The following GALNS variants were observed in gnomAD, a reference collection of about 807,000 sequenced individuals.
GALNS encodes the protein galactosamine (N-acetyl)-6-sulfatase, also known as N-acetylgalactosamine-6-sulfatase.
In GALNS, 65 loss-of-function variants were observed where a neutral mutation model predicts 65.9. The ratio of observed to expected loss-of-function variants is 0.99; its 90% confidence interval spans 0.81 to 1.21. The LOEUF (loss-of-function observed/expected upper bound fraction) is 1.21. Ranked by LOEUF, GALNS falls within the 50% of genes most tolerant of loss-of-function variation. GALNS has a pLI of 0.00. For missense variants in GALNS, 776 were observed against 700.7 expected (o/e 1.11, Z -1.21); for synonymous variants, 346 against 288.9 (o/e 1.20, Z -2.00).
At chr16:88,835,188 G>A (rs113936280) in intron 8 of GALNS, 25 bp downstream of exon 8, 3 of 1,561,024 alleles carry the variant, frequency 1.9e-6, no homozygotes, top group African/African-American at 1.4e-5. Context: ...TGGGGAAACC[G>A]TGAGAAGTGA....
chr16:88,831,884 C>T (rs1911539660), intron 9 of GALNS, 114 bp downstream of exon 9: 6 of 840,266 alleles, frequency 7.1e-6, no homozygotes, highest in East Asian at 5.3e-5. Flanking sequence ...GGGAGGAGAG[C>T]GGTGAGGATG....
intron 9 of GALNS, among the ~76,000 whole-genome samples, chr16:88,831,250 C>T (rs368768656): frequency 2.7e-5 from 4 of 146,366 alleles, no homozygotes; most frequent in African/African-American, 7.7e-5. Flanking sequence ...GGGAGGAGAG[C>T]GGTGAGGCCG....
intron 4 of GALNS, among the ~76,000 whole-genome samples, chr16:88,838,140 C>A (rs532155969): frequency 9.2e-5 from 14 of 152,148 alleles, no homozygotes. Flanking sequence ...GAGAGTTTTG[C>A]GGGTCATGCC....
At chr16:88,833,215 G>A (rs985272766) in intron 8 of GALNS, among the ~76,000 whole-genome samples, 3 of 152,094 alleles carry the variant, frequency 2.0e-5, no homozygotes, top group East Asian at 1.9e-4. Context: ...GCCTCTGAAC[G>A]GAACCTCGCA....
chr16:88,835,960 C>T lies in GALNS; in HGVS notation c.634-111G>A, dbSNP rs947483996. On this transcript the variant is annotated intron_variant, in intron 6 of 13. Transcript: ENST00000268695. Reference sequence around the variant, plus strand: ...GGGCGAGGTTGGTGCGGTCCCCGTCCCCACGCGTCCCACGGGGCAAGGTTG... The same window carrying T: ...GGGCGAGGTTGGTGCGGTCCCCGTCTCCACGCGTCCCACGGGGCAAGGTTG... The T allele has an allele frequency of 2.9e-5, 43 of 1,499,656 alleles. No individual in the cohort carries two copies. The African/African-American group carries it at 5.6e-4, about 20-fold the overall frequency. The allele number at this position is 1,499,656 out of a possible 1,614,324, so 92.9% of individuals were successfully genotyped here.
At chr16:88,843,282 G>A in intron 1 of GALNS, 1 of 1,176,426 alleles carries the variant, frequency 8.5e-7, no homozygotes, top group South Asian at 1.4e-5. Context: ...TCCCCCAGAA[G>A]CCCAGTTATC....
rs530773540 is a variant in GALNS at position 88,814,477 on chromosome 16, G to A, written c.1531C>T (p.Pro511Ser). Residue 511 changes from proline to serine, a missense_variant, in exon 14 of 14, where the codon CCA becomes TCA. Physicochemically the swap from Pro to Ser is moderately conservative, Grantham distance 74. Transcript: ENST00000268695. ...AGGCACTTCTTGGGAATGGATTCTG[G>A]AGGTGTCAGACACTTCCCTAACTTT... ...CEKLGKCLTP[P>S]ESIPKKCLWS... 1.9e-6 allele frequency: 3 copies of A among 1,563,668 alleles called. No individual in the cohort carries two copies. Among genetic ancestry groups the A allele is most frequent in the African/African-American group, 2.7e-5 (2 of 73,994 alleles).
intron 8 of GALNS, among the ~76,000 whole-genome samples, chr16:88,832,460 T>C (rs575708786): frequency 1.8e-4 from 27 of 152,268 alleles, no homozygotes; most frequent in African/African-American, 6.5e-4. Context: ...CTCCCGGTGT[T>C]TGGGGTACTT....
chr16:88,835,507 C>T (rs1912027520), intron 7 of GALNS, among the ~76,000 whole-genome samples, 155 bp from the exon 8 acceptor site: 1 of 152,194 alleles, frequency 6.6e-6, no homozygotes, highest in South Asian at 2.1e-4. Flanking sequence ...GAGGAATGGC[C>T]TCAGTTCAAG....
intron 11 of GALNS, among the ~76,000 whole-genome samples, chr16:88,824,004 G>A (rs73251095): frequency 0.036 from 5,440 of 152,288 alleles, 327 homozygotes; most frequent in African/African-American, 0.12. Flanking sequence ...ACTGCCCCAC[G>A]AGCAGCTTCC....
chr16:88,815,688 C>T, intron 13 of GALNS: 1 of 985,458 alleles, frequency 1.0e-6, no homozygotes, highest in South Asian at 4.7e-5. Context: ...ACTTTGGATT[C>T]TGGGTGCTGC....
At chr16:88,841,522 C>T (rs1009793782) in intron 3 of GALNS, among the ~76,000 whole-genome samples, 9 of 152,192 alleles carry the variant, frequency 5.9e-5, no homozygotes, top group African/African-American at 2.2e-4. Flanking sequence ...CTGTGAGATG[C>T]CCCTGGGGAG....
At chr16:88,824,975 G>C in intron 10 of GALNS, 106 bp from the exon 11 acceptor site, 1 of 846,250 alleles carries the variant, frequency 1.2e-6, no homozygotes, top group Non-Finnish European at 2.0e-6. Context: ...CTCCACGTGA[G>C]GTCTTGGTTG....
Position 88,822,564 on chromosome 16 carries a change from G to A in GALNS, c.1364+25C>T, listed in dbSNP as rs758302397. The A allele has an allele frequency of 2.2e-5, 35 of 1,611,806 alleles. No individual in the cohort carries two copies. In the Admixed American group the frequency reaches 5.0e-4, roughly 23 times the overall value. ...GAGTCCGGCTGGCACTGCCTCAGCA[G>A]CCAGGAGGCCCTGCACCGACTCACC... On this transcript the variant is annotated intron_variant, in intron 12 of 13. Coordinates refer to ENST00000268695, the MANE Select transcript of GALNS (RefSeq NM_000512.5).
intron 1 of GALNS, among the ~76,000 whole-genome samples, chr16:88,851,188 C>T (rs891732708): frequency 5.3e-5 from 8 of 152,162 alleles, no homozygotes; most frequent in African/African-American, 9.7e-5. Flanking sequence ...CAGGGCACCA[C>T]GGGCAGGAAC....
intron 8 of GALNS, among the ~76,000 whole-genome samples, chr16:88,832,398 G>A (rs1048224934): frequency 6.6e-6 from 1 of 152,214 alleles, no homozygotes; most frequent in African/African-American, 2.4e-5. Context: ...GGCCCTGGGT[G>A]CCACGTGCGC....
chr16:88,816,421 G>C, intron 13 of GALNS: 1 of 985,440 alleles, frequency 1.0e-6, no homozygotes, highest in African/African-American at 1.7e-5. Context: ...GGACCTCCCT[G>C]CTCCACCACT....
chr16:88,833,719 G>C (rs1030882392), intron 8 of GALNS, among the ~76,000 whole-genome samples: 2 of 152,124 alleles, frequency 1.3e-5, no homozygotes, highest in Non-Finnish European at 2.9e-5. Context: ...CAAAGTGCTG[G>C]GATTACAGGT....
At chr16:88,817,278 A>G in intron 13 of GALNS, 1 of 985,406 alleles carries the variant, frequency 1.0e-6, no homozygotes, top group Non-Finnish European at 1.2e-6. Context: ...TGGCCTGAAC[A>G]CAGACTTCAG....
Sources: gnomAD v4.1 joint callset for allele counts (sites outside exome capture counted in the v4.1 genomes callset) on GRCh38, gnomAD v4.1.1 for gene constraint, MANE v1.5 for transcripts, NCBI Gene and HGNC (gene_info 2026-07-23, HGNC 2026-07-21) for gene names.